AMPD3: variants seen among roughly 807,000 people sequenced by gnomAD.
The protein encoded by AMPD3 is adenosine monophosphate deaminase 3.
A neutral mutation model predicts 82.3 loss-of-function variants in AMPD3; 57 were observed. That is an observed-to-expected ratio of 0.69 (90% CI 0.56 to 0.86). AMPD3 has a LOEUF of 0.86. AMPD3 is among the 40% of genes least tolerant of loss of function. The probability of loss-of-function intolerance (pLI) is 0.00; values close to 1 mark genes in which losing one functional copy is unlikely to be tolerated. For synonymous variants in AMPD3, 381 were observed against 394.7 expected (o/e 0.97, Z 0.41); for missense variants, 870 against 1,003.8 (o/e 0.87, Z 1.80).
At chr11:10,501,310 C>T in intron 11 of AMPD3, 160 bp from the exon 12 acceptor site, 1 of 985,296 alleles carries the variant, frequency 1.0e-6, no homozygotes, top group Non-Finnish European at 1.2e-6. Context: ...GGGCCTGGAC[C>T]TCTGCATTTT....
chr11:10,502,542 G>A, intron 12 of AMPD3, 179 bp from the exon 13 acceptor site: 1 of 985,426 alleles, frequency 1.0e-6, no homozygotes, highest in South Asian at 4.7e-5. Flanking sequence ...TGAACAGTGG[G>A]GAAGGGGAGA....
At chr11:10,493,293 C>A in intron 6 of AMPD3, 56 bp from the exon 7 acceptor site, 1 of 1,602,570 alleles carries the variant, frequency 6.2e-7, no homozygotes, top group East Asian at 2.2e-5. Flanking sequence ...GATGTCTTAA[C>A]TCTTGTTGCT....
intron 6 of AMPD3, chr11:10,488,388 G>T (rs1235456770): frequency 1.0e-6 from 1 of 985,306 alleles, no homozygotes; most frequent in Non-Finnish European, 1.2e-6. Context: ...CCAGGCAGAG[G>T]GTGTGGTAGG....
At chr11:10,451,696 C>T (rs1386889567), upstream of AMPD3, among the ~76,000 whole-genome samples, 3 of 152,142 alleles carry the variant, frequency 2.0e-5, no homozygotes, top group Non-Finnish European at 2.9e-5. Flanking sequence ...AGCTTGATGG[C>T]GACACATCAG....
chr11:10,463,743 C>T (rs1031831888), intron 2 of AMPD3, among the ~76,000 whole-genome samples: 3 of 152,202 alleles, frequency 2.0e-5, no homozygotes, highest in Non-Finnish European at 2.9e-5. Context: ...CTTAATGGTG[C>T]TCTGTGGTTT....
upstream of AMPD3, chr11:10,451,164 G>A (rs1847953050): frequency 1.3e-6 from 2 of 1,496,470 alleles, no homozygotes; most frequent in African/African-American, 1.4e-5. Flanking sequence ...TGCTCGCAGA[G>A]GCGGTGGCGC....
chr11:10,486,478 C>T, intron 5 of AMPD3: 1 of 861,418 alleles, frequency 1.2e-6, no homozygotes, highest in Non-Finnish European at 1.4e-6. Flanking sequence ...TGAGCACCCC[C>T]ATCCCCAAAG....
At chr11:10,479,843 G>A (rs1343468448) in intron 3 of AMPD3, 2 of 932,748 alleles carry the variant, frequency 2.1e-6, no homozygotes, top group East Asian at 2.3e-4. Context: ...TCCTTTATGA[G>A]GATATATCAT....
At chr11:10,502,576 G>A in intron 12 of AMPD3, 145 bp from the exon 13 acceptor site, 5 of 1,585,226 alleles carry the variant, frequency 3.2e-6, no homozygotes, top group African/African-American at 1.3e-5. Flanking sequence ...TCCTGGCTTC[G>A]AGGAACTCGG....
At chr11:10,463,852 C>A (rs7119606) in intron 2 of AMPD3, among the ~76,000 whole-genome samples, 152,208 of 152,358 alleles carry the variant, frequency 1, 76,029 homozygotes, top group Middle Eastern at 1. Context: ...TTTGACTAGA[C>A]GCTCCTTGAG....
chr11:10,495,196 G>A, intron 8 of AMPD3, 166 bp downstream of exon 8: 1 of 985,452 alleles, frequency 1.0e-6, no homozygotes, highest in South Asian at 4.7e-5. Flanking sequence ...CTGGCTGCCT[G>A]CTCCAGGCAG....
upstream of AMPD3, chr11:10,450,397 C>T: frequency 1.0e-6 from 1 of 983,566 alleles, no homozygotes; most frequent in Non-Finnish European, 1.2e-6. Context: ...CAGAAGGACG[C>T]CTGGAAGAAA....
intron 1 of AMPD3, among the ~76,000 whole-genome samples, chr11:10,457,904 G>C (rs1353053097): frequency 6.6e-6 from 1 of 151,506 alleles, no homozygotes; most frequent in Admixed American, 6.6e-5. Context: ...ATCAATCAAT[G>C]AATAAATGCA....
intron 2 of AMPD3, among the ~76,000 whole-genome samples, chr11:10,466,404 C>A (rs1848423233): frequency 1.3e-5 from 2 of 152,158 alleles, no homozygotes; most frequent in South Asian, 4.1e-4. Flanking sequence ...TTTACCCTCA[C>A]AGTGTAAACA....
intron 2 of AMPD3, among the ~76,000 whole-genome samples, chr11:10,476,465 GTT>G (rs34375327): frequency 1.4e-5 from 2 of 145,544 alleles, no homozygotes; most frequent in Non-Finnish European, 3.1e-5. Context: ...GGGCTGTAGT[GTT>G]TTTTTTTTTG....
intron 2 of AMPD3, chr11:10,473,644 C>T: frequency 2.1e-6 from 2 of 968,624 alleles, no homozygotes; most frequent in Non-Finnish European, 2.5e-6. Context: ...CTCTGTGCGC[C>T]CCTGCTCTCT....
chr11:10,468,989 A>G (rs1008283750), intron 2 of AMPD3, among the ~76,000 whole-genome samples: 5 of 152,234 alleles, frequency 3.3e-5, no homozygotes, highest in African/African-American at 9.6e-5. Flanking sequence ...ACACATTTAA[A>G]GCAGTGTGTA....
chr11:10,485,617 G>A (rs1471149750), intron 5 of AMPD3, among the ~76,000 whole-genome samples: 2 of 152,102 alleles, frequency 1.3e-5, no homozygotes, highest in Non-Finnish European at 2.9e-5. Flanking sequence ...CTGAATGGCT[G>A]TCATCCCTCT....
intron 6 of AMPD3, among the ~76,000 whole-genome samples, chr11:10,493,095 T>A (rs1849285241): frequency 6.6e-6 from 1 of 152,154 alleles, no homozygotes; most frequent in African/African-American, 2.4e-5. Context: ...AACTGGGGAA[T>A]GGCCTGATCC....
Sources: gnomAD v4.1 joint callset for allele counts (sites outside exome capture counted in the v4.1 genomes callset) on GRCh38, gnomAD v4.1.1 for gene constraint, MANE v1.5 for transcripts, NCBI Gene and HGNC (gene_info 2026-07-23, HGNC 2026-07-21) for gene names.